The following CAMK2D variants were observed in gnomAD, a reference collection of about 807,000 sequenced individuals.
The protein encoded by CAMK2D is calcium/calmodulin dependent protein kinase II delta.
In CAMK2D, 37 loss-of-function variants were observed where a neutral mutation model predicts 84.0. The observed-to-expected ratio is 0.44, with a 90% CI of 0.34 to 0.58. The LOEUF (loss-of-function observed/expected upper bound fraction) is 0.58, where lower values mean the gene tolerates loss of function less well. Ranked by LOEUF, CAMK2D falls within the 20% of genes least tolerant of loss-of-function variation. The pLI is 0.02. For synonymous variants in CAMK2D, 202 were observed against 212.5 expected, an observed-to-expected ratio of 0.95 and a Z score of 0.43; for missense variants, 448 against 652.5, an observed-to-expected ratio of 0.69 and a Z score of 3.41.
intron 3 of CAMK2D, among the ~76,000 whole-genome samples, chr4:113,658,431 T>A (rs1248052148): frequency 1.3e-5 from 2 of 152,110 alleles, no homozygotes. Flanking sequence ...TGTTTGTTTT[T>A]CCCCCAGAGA....
At chr4:113,591,185 CA>C (rs200972091) in intron 4 of CAMK2D, among the ~76,000 whole-genome samples, 6,293 of 135,686 alleles carry the variant, frequency 0.046, 354 homozygotes, top group East Asian at 0.21. Context: ...AGTCAAAATT[CA>C]AAAAAAAAAA....
rs901374898 is a variant in CAMK2D, at chr4:113,576,704, A to T, written c.276-24608T>A. ...TTTAACTGCAGATGTATTTCTCAGA[A>T]GATCACTTTAAATTTTTTTTAAAAG... On this transcript the variant is annotated intron_variant, in intron 4 of 20. Coordinates refer to ENST00000511664, the MANE Select transcript of CAMK2D (RefSeq NM_001321571.2). 2.4e-4 allele frequency among the ~76,000 whole-genome samples: 37 copies of T among 152,188 alleles called. 1 individual carries two copies. The highest frequency in any genetic ancestry group is 6.5e-5 in the Admixed American group (1 of 15,272).
intron 5 of CAMK2D, chr4:113,548,674 C>G: frequency 6.4e-7 from 1 of 1,566,246 alleles, no homozygotes; most frequent in South Asian, 1.1e-5. Context: ...TCCCTGTGAA[C>G]TATGCCATTT....
intron 16 of CAMK2D, among the ~76,000 whole-genome samples, chr4:113,467,271 A>G (rs1029135197): frequency 6.6e-6 from 1 of 152,210 alleles, no homozygotes; most frequent in East Asian, 1.9e-4. Context: ...TTTATTGACT[A>G]AAGAAACCAG....
chr4:113,558,385 G>A (rs528372004), intron 4 of CAMK2D, among the ~76,000 whole-genome samples: 3 of 151,958 alleles, frequency 2.0e-5, no homozygotes, highest in Non-Finnish European at 2.9e-5. Flanking sequence ...TTATGGCCTC[G>A]ATATTTTTAG....
intron 2 of CAMK2D, among the ~76,000 whole-genome samples, chr4:113,724,598 T>C (rs2148674079): frequency 6.6e-6 from 1 of 152,004 alleles, no homozygotes; most frequent in Non-Finnish European, 1.5e-5. Flanking sequence ...ATCTCTTGGA[T>C]TTTTAGTCCA....
At chr4:113,658,515 T>C (rs1298380963) in intron 3 of CAMK2D, among the ~76,000 whole-genome samples, 1 of 152,172 alleles carries the variant, frequency 6.6e-6, no homozygotes, top group East Asian at 1.9e-4. Context: ...GAAATGGTCC[T>C]GACCAACTAT....
chr4:113,703,482 T>C (rs1181509294), intron 2 of CAMK2D, among the ~76,000 whole-genome samples: 1 of 152,156 alleles, frequency 6.6e-6, no homozygotes, highest in East Asian at 1.9e-4. Context: ...TGAGCCACTA[T>C]GCCCAACTGA....
At chr4:113,743,603 G>A (rs1455786017) in intron 2 of CAMK2D, among the ~76,000 whole-genome samples, 4 of 152,066 alleles carry the variant, frequency 2.6e-5, no homozygotes, top group East Asian at 3.8e-4. Context: ...CTTGGTGCCC[G>A]CTGAGGAAAA....
intron 4 of CAMK2D, among the ~76,000 whole-genome samples, chr4:113,569,779 A>G (rs886800093): frequency 1.3e-5 from 2 of 152,186 alleles, no homozygotes; most frequent in Non-Finnish European, 2.9e-5. Context: ...ATGTTGTTGT[A>G]ATTTAGAAAA....
intron 4 of CAMK2D, among the ~76,000 whole-genome samples, chr4:113,600,256 C>T (rs2098946150): frequency 6.6e-6 from 1 of 152,012 alleles, no homozygotes; most frequent in African/African-American, 2.4e-5. Flanking sequence ...TGTAAAACAC[C>T]AAGAGTGAAC....
At chr4:113,494,517 G>T (rs1458038040) in intron 16 of CAMK2D, among the ~76,000 whole-genome samples, 3 of 152,200 alleles carry the variant, frequency 2.0e-5, no homozygotes, top group South Asian at 2.1e-4. Flanking sequence ...CCAGCTGCGT[G>T]CTGGGAGAAC....
intron 3 of CAMK2D, among the ~76,000 whole-genome samples, chr4:113,629,124 C>A (rs1319496550): frequency 6.6e-6 from 1 of 151,956 alleles, no homozygotes; most frequent in East Asian, 1.9e-4. Flanking sequence ...TTATATAATT[C>A]ATTAAACACA....
At chr4:113,601,708 T>TC (rs2098953684) in intron 4 of CAMK2D, among the ~76,000 whole-genome samples, 1 of 142,732 alleles carries the variant, frequency 7.0e-6, no homozygotes, top group East Asian at 2.0e-4. Context: ...TTTTTTTTTT[T>TC]TTCATTTTTT....
intron 2 of CAMK2D, among the ~76,000 whole-genome samples, chr4:113,750,344 C>T (rs2099614350): frequency 6.6e-6 from 1 of 152,138 alleles, no homozygotes; most frequent in South Asian, 2.1e-4. Context: ...TTCTCCCTCC[C>T]TGTGAACAGA....
At chr4:113,752,297 C>A (rs2099619143) in intron 2 of CAMK2D, among the ~76,000 whole-genome samples, 3 of 151,716 alleles carry the variant, frequency 2.0e-5, no homozygotes, top group Admixed American at 2.0e-4. Flanking sequence ...ATCAATGTAA[C>A]TGAAGGAAAA....
intron 2 of CAMK2D, among the ~76,000 whole-genome samples, chr4:113,748,768 T>C (rs2099610458): frequency 6.6e-6 from 1 of 152,030 alleles, no homozygotes; most frequent in Non-Finnish European, 1.5e-5. Context: ...TTGGGGGAAA[T>C]GAACTACAAA....
At chr4:113,555,692 C>A (rs1400642937) in intron 4 of CAMK2D, among the ~76,000 whole-genome samples, 3 of 152,190 alleles carry the variant, frequency 2.0e-5, no homozygotes, top group Non-Finnish European at 4.4e-5. Context: ...GGTCATCCAA[C>A]ACACTGTCTT....
chr4:113,710,401 C>T (rs2099488485), intron 2 of CAMK2D, among the ~76,000 whole-genome samples: 2 of 152,204 alleles, frequency 1.3e-5, no homozygotes, highest in Non-Finnish European at 2.9e-5. Context: ...CTTCTGAGCT[C>T]CTAGGACTAT....
Sources: gnomAD v4.1 joint callset for allele counts (sites outside exome capture counted in the v4.1 genomes callset) on GRCh38, gnomAD v4.1.1 for gene constraint, MANE v1.5 for transcripts, NCBI Gene and HGNC (gene_info 2026-07-23, HGNC 2026-07-21) for gene names.